The following ERBB4 variants were observed in gnomAD, a reference collection of about 807,000 sequenced individuals.
The protein encoded by ERBB4 is erb-b2 receptor tyrosine kinase 4.
In ERBB4, 42 loss-of-function variants were observed where a neutral mutation model predicts 158.0. The ratio of observed to expected loss-of-function variants is 0.27; its 90% CI spans 0.21 to 0.34. The LOEUF is 0.34. Among genes scored for constraint, ERBB4 ranks in the 10% least tolerant of loss-of-function variants. The probability of loss-of-function intolerance (pLI) is 1.00; values close to 1 mark genes in which losing one functional copy is unlikely to be tolerated. For missense variants in ERBB4, 1,333 were observed against 1,624.1 expected (o/e 0.82, Z 3.08); for synonymous variants, 583 against 558.7 (o/e 1.04, Z -0.61).
Position 212,144,450 on chromosome 2 carries a change from C to G in ERBB4, c.83-19547G>C, listed in dbSNP as rs568123124. On this transcript the variant is annotated intron_variant, in intron 1 of 27. Transcript: ENST00000342788. Reference sequence around the variant, plus strand: ...CATCCACCATTCAACTTACCCACAACTTTTCCTATATTTTTAATTCATTCC... The same window carrying G: ...CATCCACCATTCAACTTACCCACAAGTTTTCCTATATTTTTAATTCATTCC... 1.4e-4 allele frequency among the ~76,000 whole-genome samples: 21 copies of G among 152,262 alleles called. No individual in the cohort carries two copies. The South Asian group carries it at 4.1e-3, about 30-fold the overall frequency.
chr2:212,187,637 A>G (rs182876632), intron 1 of ERBB4, among the ~76,000 whole-genome samples: 5 of 152,266 alleles, frequency 3.3e-5, no homozygotes, highest in Admixed American at 3.3e-4. Flanking sequence ...AAAATATTCA[A>G]TACTGAATTT....
At chr2:212,191,785 A>ACATATAACACGTGTGT (rs1168901193) in intron 1 of ERBB4, among the ~76,000 whole-genome samples, 1,816 of 107,018 alleles carry the variant, frequency 0.017, 172 homozygotes, top group South Asian at 0.057. Context: ...CACGTGTGTT[A>ACATATAACACGTGTGT]TATGTTCTAT....
chr2:211,719,857 A>C (rs2074038557), intron 7 of ERBB4, among the ~76,000 whole-genome samples: 1 of 148,438 alleles, frequency 6.7e-6, no homozygotes, highest in African/African-American at 2.6e-5. Flanking sequence ...TCTGTCTCAA[A>C]ACAAAGAAAA....
intron 1 of ERBB4, among the ~76,000 whole-genome samples, chr2:212,179,557 T>G (rs567924871): frequency 1.3e-5 from 2 of 151,712 alleles, no homozygotes; most frequent in Middle Eastern, 3.4e-3. Context: ...CATGGGTTGT[T>G]GGGTGTGAGA....
At chr2:211,529,957 C>T (rs979540272) in intron 20 of ERBB4, among the ~76,000 whole-genome samples, 2 of 151,996 alleles carry the variant, frequency 1.3e-5, no homozygotes, top group African/African-American at 4.8e-5. Context: ...CCCACCCTCA[C>T]CATTGTTATT....
intron 20 of ERBB4, among the ~76,000 whole-genome samples, chr2:211,510,285 G>C (rs933395496): frequency 2.6e-5 from 4 of 152,012 alleles, no homozygotes; most frequent in African/African-American, 4.8e-5. Context: ...CATAAAGATG[G>C]AAATAATAAA....
intron 1 of ERBB4, among the ~76,000 whole-genome samples, chr2:212,380,011 T>C (rs899453080): frequency 1.7e-5 from 2 of 120,822 alleles, no homozygotes; most frequent in Non-Finnish European, 4.2e-5. Context: ...TAAAGAGTTG[T>C]TCAAGTAGTA....
chr2:211,654,578 T>C lies in ERBB4; in HGVS notation c.1946+3176A>G, dbSNP rs547982309. Among the ~76,000 whole-genome samples the C allele has an allele frequency of 1.8e-4, 27 of 152,336 alleles. No homozygotes were observed. The South Asian group carries it at 4.8e-3, about 27-fold the overall frequency. ...TACTAACTTCGTGAGGTTTTCAAAG[T>C]GATTATTATGCCAACATTTCAACTG... On this transcript the variant is annotated intron_variant, in intron 16 of 27. Transcript: ENST00000342788.
intron 9 of ERBB4, among the ~76,000 whole-genome samples, chr2:211,711,531 C>G (rs558069345): frequency 9.9e-5 from 15 of 152,236 alleles, no homozygotes; most frequent in African/African-American, 3.4e-4. Flanking sequence ...AGCAGCATCT[C>G]TTACAGTGGT....
intron 16 of ERBB4, among the ~76,000 whole-genome samples, chr2:211,640,564 A>G (rs2070541116): frequency 6.6e-6 from 1 of 152,196 alleles, no homozygotes; most frequent in African/African-American, 2.4e-5. Context: ...CAACTTGTCC[A>G]AGGTCCGAAG....
chr2:212,293,227 C>T (rs1425833979), intron 1 of ERBB4, among the ~76,000 whole-genome samples: 2 of 151,706 alleles, frequency 1.3e-5, no homozygotes, highest in Admixed American at 6.6e-5. Context: ...GTGGGAGCTG[C>T]TCATTGTATA....
intron 1 of ERBB4, among the ~76,000 whole-genome samples, chr2:212,433,045 G>A (rs541415745): frequency 1.3e-5 from 2 of 152,136 alleles, no homozygotes; most frequent in South Asian, 2.1e-4. Context: ...ATGTCCCAGA[G>A]CTTTGGTGTG....
intron 2 of ERBB4, among the ~76,000 whole-genome samples, chr2:212,059,574 G>A (rs1200352618): frequency 6.6e-6 from 1 of 152,146 alleles, no homozygotes; most frequent in East Asian, 1.9e-4. Flanking sequence ...AAAACAGCAT[G>A]GTACTGGTAC....
At chr2:211,694,509 GTAAT>G (rs2072937110) in intron 12 of ERBB4, among the ~76,000 whole-genome samples, 1 of 150,742 alleles carries the variant, frequency 6.6e-6, no homozygotes, top group Non-Finnish European at 1.5e-5. Context: ...AGCATTGTTA[GTAAT>G]TAGACAGTGT....
At chr2:211,400,188 A>G (rs2063004388) in intron 25 of ERBB4, among the ~76,000 whole-genome samples, 1 of 152,126 alleles carries the variant, frequency 6.6e-6, no homozygotes, top group Non-Finnish European at 1.5e-5. Context: ...TAGGGTTCTC[A>G]TCTGTAAAAT....
At chr2:211,668,084 T>C (rs2071696737) in intron 14 of ERBB4, among the ~76,000 whole-genome samples, 1 of 152,340 alleles carries the variant, frequency 6.6e-6, no homozygotes, top group African/African-American at 2.4e-5. Flanking sequence ...CTGCACAGCA[T>C]ATTACTGTAC....
intron 20 of ERBB4, among the ~76,000 whole-genome samples, chr2:211,433,938 G>A (rs774765511): frequency 5.3e-5 from 8 of 152,120 alleles, no homozygotes; most frequent in Non-Finnish European, 1.0e-4. Flanking sequence ...ACACTCGTCT[G>A]CTCCTACGTG....
At chr2:211,464,812 G>C (rs921352438) in intron 20 of ERBB4, among the ~76,000 whole-genome samples, 1 of 151,618 alleles carries the variant, frequency 6.6e-6, no homozygotes, top group Admixed American at 6.6e-5. Flanking sequence ...GCTTCTAATG[G>C]ACCATACCTC....
chr2:212,329,162 G>GTAAC (rs1450863949), intron 1 of ERBB4, among the ~76,000 whole-genome samples: 3 of 151,852 alleles, frequency 2.0e-5, no homozygotes, highest in Non-Finnish European at 4.4e-5. Context: ...TAATGAAGGA[G>GTAAC]TAACTCAGTG....
Sources: gnomAD v4.1 joint callset for allele counts (sites outside exome capture counted in the v4.1 genomes callset) on GRCh38, gnomAD v4.1.1 for gene constraint, MANE v1.5 for transcripts, NCBI Gene and HGNC (gene_info 2026-07-23, HGNC 2026-07-21) for gene names.